Variants in NHS observed in about 807,000 individuals in gnomAD.
The protein encoded by NHS is NHS actin remodeling regulator, also known as actin remodeling regulator NHS.
In NHS, 5 loss-of-function variants were observed where a neutral mutation model predicts 72.5. The ratio of observed to expected loss-of-function variants is 0.07; its 90% CI spans 0.04 to 0.14. The LOEUF is 0.14. NHS is among the 10% of genes least tolerant of loss of function. The pLI is 1.00. For synonymous variants in NHS, 464 were observed against 547.7 expected (o/e 0.85, Z 2.13); for missense variants, 1,072 against 1,355.7 (o/e 0.79, Z 3.29).
intron 1 of NHS, among the ~76,000 whole-genome samples, chrX:17,649,593 A>G (rs1238911197): frequency 9.0e-6 from 1 of 110,794 alleles, no homozygotes; most frequent in Non-Finnish European, 1.9e-5. Flanking sequence ...ATTATTTTAT[A>G]TTCATTGCCG....
chrX:17,443,186 CTA>C (rs1281509974), intron 1 of NHS, among the ~76,000 whole-genome samples: 1 of 112,282 alleles, frequency 8.9e-6, no homozygotes, highest in African/African-American at 3.2e-5. Flanking sequence ...AATCATATTA[CTA>C]TGTTATAGAG....
At chrX:17,577,443 A>C (rs967358209) in intron 1 of NHS, among the ~76,000 whole-genome samples, 1 of 111,841 alleles carries the variant, frequency 8.9e-6, no homozygotes, top group African/African-American at 3.2e-5. Context: ...TTTTTATTAG[A>C]TCAAATGCCT....
intron 1 of NHS, among the ~76,000 whole-genome samples, chrX:17,574,046 T>A (rs1019696287): frequency 6.3e-5 from 7 of 111,474 alleles, no homozygotes; most frequent in Non-Finnish European, 1.1e-4. Context: ...CGATCCTTCC[T>A]CTGGAAGCTT....
At chrX:17,609,090 G>A (rs1348987886) in intron 1 of NHS, among the ~76,000 whole-genome samples, 1 of 111,687 alleles carries the variant, frequency 9.0e-6, no homozygotes, top group Non-Finnish European at 1.9e-5. Context: ...CCTGGATATC[G>A]TGGCTGTGCC....
intron 1 of NHS, among the ~76,000 whole-genome samples, chrX:17,632,445 T>C: frequency 9.1e-6 from 1 of 110,090 alleles, no homozygotes. Flanking sequence ...TTTTACCACC[T>C]TTGCATAGAT....
intron 1 of NHS, among the ~76,000 whole-genome samples, chrX:17,568,886 A>T (rs1347876813): frequency 9.3e-6 from 1 of 108,046 alleles, no homozygotes; most frequent in Non-Finnish European, 1.9e-5. Context: ...TCATAGTTCA[A>T]CTCCCACTTA....
At chrX:17,633,168 C>G (rs776115657) in intron 1 of NHS, among the ~76,000 whole-genome samples, 1 of 111,459 alleles carries the variant, frequency 9.0e-6, no homozygotes, top group East Asian at 2.8e-4. Flanking sequence ...GAGTAATAAT[C>G]TACTCCTCAT....
At chrX:17,719,457 C>T in intron 4 of NHS, 51 bp downstream of exon 4, 1 of 928,932 alleles carries the variant, frequency 1.1e-6, no homozygotes, top group Non-Finnish European at 1.5e-6. Context: ...TCTGTCCAGA[C>T]ACTCTTCCTT....
Position 17,726,895 on chromosome X carries a change from C to T in NHS, c.2789C>T (p.Ser930Leu), listed in dbSNP as rs1488033165. 6.6e-6 allele frequency: 8 copies of T among 1,210,120 alleles called. No homozygotes were observed. In the African/African-American group the frequency reaches 7.0e-5, roughly 11 times the overall value. ...QGIKEPQLDASDIPPFKDEVA... is the reference protein window; with the variant it reads ...QGIKEPQLDALDIPPFKDEVA... ...ATTAAGGAACCTCAGTTAGATGCTT[C>T]GGATATTCCACCATTCAAAGATGAA... The change falls in exon 7 of 9, where the codon TCG becomes TTG. Residue 930 changes from serine to leucine, a missense_variant. Transcript: ENST00000676302.
chrX:17,537,631 A>G (rs1318892828), intron 1 of NHS, among the ~76,000 whole-genome samples: 3 of 112,374 alleles, frequency 2.7e-5, no homozygotes, highest in Admixed American at 9.4e-5. Flanking sequence ...AGAGTGGCTA[A>G]GTCAAGTAGG....
At chrX:17,499,077 TG>T (rs1751442178) in intron 1 of NHS, among the ~76,000 whole-genome samples, 1 of 112,154 alleles carries the variant, frequency 8.9e-6, no homozygotes, top group Non-Finnish European at 1.9e-5. Flanking sequence ...CATAGCTACC[TG>T]GCCAGGAGTT....
intron 1 of NHS, among the ~76,000 whole-genome samples, chrX:17,436,033 G>A (rs1052055028): frequency 1.8e-5 from 2 of 112,369 alleles, no homozygotes; most frequent in Admixed American, 1.9e-4. Context: ...ACCTTAAAAT[G>A]AAAAGCAAAC....
intron 1 of NHS, among the ~76,000 whole-genome samples, chrX:17,592,129 A>G (rs2065605799): frequency 8.9e-6 from 1 of 111,877 alleles, no homozygotes; most frequent in South Asian, 3.7e-4. Flanking sequence ...TTATTTAGGC[A>G]TAGTCCATAG....
intron 1 of NHS, among the ~76,000 whole-genome samples, chrX:17,524,196 A>G (rs748131614): frequency 1.8e-5 from 2 of 112,014 alleles, no homozygotes; most frequent in African/African-American, 3.2e-5. Flanking sequence ...CTAATTGTTC[A>G]TATTTTGTTG....
At chrX:17,679,469 T>C (rs1326027508) in intron 1 of NHS, among the ~76,000 whole-genome samples, 1 of 111,501 alleles carries the variant, frequency 9.0e-6, no homozygotes, top group East Asian at 2.8e-4. Context: ...AAGTATAAGC[T>C]GTGGCTCCTC....
chrX:17,482,854 T>C (rs754668643), intron 1 of NHS, among the ~76,000 whole-genome samples: 2 of 112,547 alleles, frequency 1.8e-5, no homozygotes, highest in Non-Finnish European at 3.7e-5. Flanking sequence ...CAAATAATAC[T>C]TGTATGTACA....
At chrX:17,536,215 C>T (rs5909363) in intron 1 of NHS, among the ~76,000 whole-genome samples, 8,775 of 111,526 alleles carry the variant, frequency 0.079, 387 homozygotes, top group Non-Finnish European at 0.12. Context: ...ATTAGCCAGG[C>T]GTGGTGGCGG....
intron 1 of NHS, among the ~76,000 whole-genome samples, chrX:17,441,794 A>G (rs2064755924): frequency 8.9e-6 from 1 of 111,957 alleles, no homozygotes; most frequent in South Asian, 3.8e-4. Context: ...CAGTGACCAT[A>G]TGTAGTTAAG....
intron 1 of NHS, among the ~76,000 whole-genome samples, chrX:17,629,657 C>G (rs1335259962): frequency 9.0e-6 from 1 of 111,730 alleles, no homozygotes; most frequent in African/African-American, 3.3e-5. Context: ...CTCCAGGCCA[C>G]AGCCAGGCCT....
Sources: gnomAD v4.1 joint callset for allele counts (sites outside exome capture counted in the v4.1 genomes callset) on GRCh38, gnomAD v4.1.1 for gene constraint, MANE v1.5 for transcripts, NCBI Gene and HGNC (gene_info 2026-07-23, HGNC 2026-07-21) for gene names.